LOXHD1: variants seen among roughly 807,000 people sequenced by gnomAD.
The protein encoded by LOXHD1 is lipoxygenase homology domain-containing protein 1.
Under a neutral mutation model 248.2 loss-of-function variants are expected in LOXHD1, and 205 were observed. The observed-to-expected ratio is 0.83, with a 90% confidence interval of 0.74 to 0.93. The LOEUF (loss-of-function observed/expected upper bound fraction) is 0.93. Among genes scored for constraint, LOXHD1 ranks in the 40% least tolerant of loss-of-function variants. The probability of loss-of-function intolerance (pLI) is 0.00; values close to 1 mark genes in which losing one functional copy is unlikely to be tolerated. For missense variants in LOXHD1, 2,930 were observed against 2,971.6 expected (o/e 0.99, Z 0.33); for synonymous variants, 1,113 against 1,162.8 (o/e 0.96, Z 0.87).
intron 37 of LOXHD1, among the ~76,000 whole-genome samples, chr18:46,496,877 C>A (rs188560800): frequency 1.3e-5 from 2 of 152,178 alleles, no homozygotes; most frequent in Non-Finnish European, 2.9e-5. Context: ...GTGGCACACT[C>A]CTGTAATCCC....
chr18:46,510,682 C>A (rs2034907363), intron 34 of LOXHD1, among the ~76,000 whole-genome samples: 1 of 152,134 alleles, frequency 6.6e-6, no homozygotes, highest in Non-Finnish European at 1.5e-5. Flanking sequence ...AAAACAGAGG[C>A]CATAGCTGAT....
chr18:46,599,404 T>A (rs533508841), intron 8 of LOXHD1, among the ~76,000 whole-genome samples: 14 of 152,078 alleles, frequency 9.2e-5, no homozygotes, highest in African/African-American at 3.1e-4. Flanking sequence ...TTTGCATATC[T>A]CCATGGAAAA....
At chr18:46,644,705 G>C (rs1440139297) in intron 2 of LOXHD1, among the ~76,000 whole-genome samples, 1 of 151,960 alleles carries the variant, frequency 6.6e-6, no homozygotes, top group African/African-American at 2.4e-5. Context: ...CTGGGTGACA[G>C]AGTGAGACCC....
chr18:46,516,195 T>C (rs2035240537), intron 34 of LOXHD1, among the ~76,000 whole-genome samples: 1 of 152,198 alleles, frequency 6.6e-6, no homozygotes, highest in Non-Finnish European at 1.5e-5. Context: ...TTGGGCAAGT[T>C]ATTTCACCTC....
intron 35 of LOXHD1, among the ~76,000 whole-genome samples, chr18:46,508,791 G>A (rs1409475688): frequency 6.6e-6 from 1 of 152,146 alleles, no homozygotes; most frequent in Non-Finnish European, 1.5e-5. Flanking sequence ...GGCTGCCAGG[G>A]GTCTCCAGCT....
chr18:46,477,161 C>T (rs1389757812), downstream of LOXHD1: 1 of 718,986 alleles, frequency 1.4e-6, no homozygotes, highest in South Asian at 1.5e-5. Flanking sequence ...CACTTCTATC[C>T]CCTGGGTGAA....
chr18:46,495,349 C>T (rs2143727965), intron 37 of LOXHD1, among the ~76,000 whole-genome samples: 1 of 152,230 alleles, frequency 6.6e-6, no homozygotes. Context: ...CCTCTATGAA[C>T]TATATTTTAT....
At chr18:46,608,037 G>GAAGGAAGGAAGGAAGGAAAC (rs35312518) in intron 6 of LOXHD1, among the ~76,000 whole-genome samples, 8 of 139,202 alleles carry the variant, frequency 5.7e-5, no homozygotes, top group East Asian at 4.4e-4. Flanking sequence ...AGGAAGGAGG[G>GAAGGAAGGAAGGAAGGAAAC]AAGGAAGGAA....
intron 8 of LOXHD1, among the ~76,000 whole-genome samples, chr18:46,598,325 T>G (rs1385070058): frequency 2.0e-5 from 3 of 152,116 alleles, no homozygotes; most frequent in Admixed American, 2.0e-4. Context: ...AAATCTAATC[T>G]AAGAATGTCT....
intron 12 of LOXHD1, among the ~76,000 whole-genome samples, chr18:46,583,730 T>C (rs2038005750): frequency 6.6e-6 from 1 of 152,072 alleles, no homozygotes; most frequent in African/African-American, 2.4e-5. Flanking sequence ...ACTTGCACAC[T>C]ATGGGTAAGA....
In LOXHD1 at chr18:46,485,223, G is replaced by T; in HGVS notation, c.6050-72C>A. On this transcript the variant is annotated intron_variant, in intron 38 of 40. Transcript: ENST00000642948. ...CCGTCTTCAGGGCGGGAGCAAGAGGGTCACGGCCTCCGGTCCTTCATTTGA... is the reference window on the plus strand; with the variant it reads ...CCGTCTTCAGGGCGGGAGCAAGAGGTTCACGGCCTCCGGTCCTTCATTTGA... 1.3e-5 allele frequency: 19 copies of T among 1,505,388 alleles called. No individual in the cohort carries two copies. In the South Asian group the frequency reaches 2.4e-4, roughly 19 times the overall value. 93.3% of individuals were successfully genotyped at this position (1,505,388 alleles called of 1,614,324 possible). A position where few individuals can be genotyped will look rare whatever the true frequency, so the allele number is the denominator to read the frequency against.
chr18:46,567,260 C>T (rs2037661410), intron 16 of LOXHD1, among the ~76,000 whole-genome samples: 1 of 152,196 alleles, frequency 6.6e-6, no homozygotes, highest in Non-Finnish European at 1.5e-5. Context: ...ATTCTCTCTG[C>T]AATGGTTTGA....
At position 46,534,404 on chromosome 18, in the gene LOXHD1, A is replaced by AT; in HGVS notation, c.4142dup (p.Asn1381LysfsTer2). 1 of 1,551,690 alleles carries AT rather than the reference A, an allele frequency of 6.4e-7. No homozygotes were observed. The highest frequency in any genetic ancestry group is 8.7e-7 in the Non-Finnish European group (1 of 1,146,964). ...GCCACCCAGGATTCATGCCCGTGTT[A>AT]TTATGGCCAATCCGAATTTTTTCAA... On this transcript the variant is annotated frameshift_variant, in exon 27 of 41. Coordinates refer to ENST00000642948, the MANE Select transcript of LOXHD1 (RefSeq NM_001384474.1). LOFTEE classifies it high-confidence loss of function.
At chr18:46,524,442 C>G in intron 31 of LOXHD1, 24 bp downstream of exon 31, 2 of 1,542,858 alleles carry the variant, frequency 1.3e-6, no homozygotes, top group Non-Finnish European at 1.8e-6. Flanking sequence ...GGCCCCCGTC[C>G]AAAGAGCTCC....
intron 12 of LOXHD1, among the ~76,000 whole-genome samples, chr18:46,585,640 A>G (rs985024798): frequency 1.3e-5 from 2 of 152,178 alleles, no homozygotes; most frequent in African/African-American, 4.8e-5. Flanking sequence ...GATTCAATGT[A>G]GCCCCTAACA....
chr18:46,565,243 A>G (rs2037615165), intron 17 of LOXHD1, among the ~76,000 whole-genome samples: 1 of 145,450 alleles, frequency 6.9e-6, no homozygotes. Context: ...CCTGGGCAAC[A>G]GAGTAAGGCT....
At chr18:46,559,182 CATCT>C (rs2143999432) in intron 20 of LOXHD1, 15 of 1,440,788 alleles carry the variant, frequency 1.0e-5, no homozygotes, top group Non-Finnish European at 1.8e-6. Context: ...AGTGCCTCAG[CATCT>C]GCCACTCAAC....
intron 3 of LOXHD1, 111 bp from the exon 4 acceptor site, chr18:46,639,911 T>C (rs1046951933): frequency 3.0e-6 from 4 of 1,323,024 alleles, no homozygotes; most frequent in Admixed American, 4.2e-5. Context: ...TATTCTGTTG[T>C]TGTTGTTACT....
In LOXHD1 at chr18:46,649,163, G is replaced by A. The variant is rs2039074600; in HGVS notation, c.237C>T (p.Leu79=). ...GCCAAGTGGGTACTCACTTGCTGGT[G>A]AGCTGGAGCTTGGGAGAGAGCCCAT... ...GENGLSPKLQ[L]TSKSKSAFEK... The change falls in exon 2 of 41, where the codon CTC becomes CTT. Residue 79 remains leucine, a synonymous_variant. Coordinates refer to ENST00000642948, the MANE Select transcript of LOXHD1 (RefSeq NM_001384474.1). 1 of 1,551,542 alleles carries A rather than the reference G, an allele frequency of 6.4e-7. No homozygotes were observed. Among genetic ancestry groups the A allele is most frequent in the Admixed American group, 2.0e-5 (1 of 50,996 alleles).
Sources: allele counts gnomAD v4.1 joint callset (sites outside exome capture counted in the v4.1 genomes callset), GRCh38; gene constraint gnomAD v4.1.1; transcripts MANE v1.5; gene names NCBI Gene and HGNC (gene_info 2026-07-23, HGNC 2026-07-21).